Variants in SLC25A26 observed in about 807,000 individuals in gnomAD.
The protein encoded by SLC25A26 is solute carrier family 25 member 26, also known as mitochondrial S-adenosylmethionine carrier protein.
SLC25A26 carries 36 observed loss-of-function variants against 37.8 expected under a neutral mutation model. The observed-to-expected ratio is 0.95, with a 90% CI of 0.73 to 1.26. The LOEUF (loss-of-function observed/expected upper bound fraction) is 1.26. Ranked by LOEUF, SLC25A26 falls within the 50% of genes most tolerant of loss-of-function variation. SLC25A26 has a pLI of 0.00. For synonymous variants in SLC25A26, 129 were observed against 122.5 expected (o/e 1.05, Z -0.35); for missense variants, 390 against 331.1 (o/e 1.18, Z -1.38).
rs2075956863 is a variant in SLC25A26 at position 66,330,808 on chromosome 3, A to T, written c.454-15556A>T. On this transcript the variant is annotated intron_variant, in intron 5 of 9. Transcript: ENST00000354883. Reference sequence around the variant, plus strand: ...ACTTCCTCAAATATGAAACTTTCTTATAAGAAAATTCTTTTGATACTGGAA... The same window carrying T: ...ACTTCCTCAAATATGAAACTTTCTTTTAAGAAAATTCTTTTGATACTGGAA... 3.3e-5 allele frequency among the ~76,000 whole-genome samples: 5 copies of T among 152,158 alleles called. No individual in the cohort carries two copies. The South Asian group carries it at 6.2e-4, about 19-fold the overall frequency.
intron 6 of SLC25A26, among the ~76,000 whole-genome samples, chr3:66,353,896 C>T (rs2076516966): frequency 6.6e-6 from 1 of 152,188 alleles, no homozygotes; most frequent in Admixed American, 6.5e-5. Context: ...TCTGTTTATT[C>T]TTTATGGTTC....
At chr3:66,319,389 T>G (rs1294550091) in intron 5 of SLC25A26, among the ~76,000 whole-genome samples, 1 of 152,208 alleles carries the variant, frequency 6.6e-6, no homozygotes, top group Non-Finnish European at 1.5e-5. Context: ...TAGTATATAA[T>G]GCATCCTGCT....
Position 66,302,599 on chromosome 3 carries a change from C to G in SLC25A26, c.453+39220C>G, listed in dbSNP as rs2075108640. ...ATGTGTTCTGCACACTCATACTCCA[C>G]TAGGCCTTTGCTGATAGGTCACCAG... On this transcript the variant is annotated intron_variant, in intron 5 of 9. Transcript: ENST00000354883. Among the ~76,000 whole-genome samples the G allele has an allele frequency of 2.0e-5, 3 of 152,214 alleles. No homozygotes were observed. In the South Asian group the frequency reaches 6.2e-4, roughly 32 times the overall value.
At chr3:66,364,039 C>T (rs567921253) in intron 7 of SLC25A26, among the ~76,000 whole-genome samples, 3 of 152,234 alleles carry the variant, frequency 2.0e-5, no homozygotes, top group South Asian at 4.2e-4. Flanking sequence ...TGTAGACACT[C>T]TCCTGGGCCC....
At chr3:66,303,268 C>A (rs2075126318) in intron 5 of SLC25A26, among the ~76,000 whole-genome samples, 1 of 152,176 alleles carries the variant, frequency 6.6e-6, no homozygotes, top group Admixed American at 6.5e-5. Context: ...ATATACTTCT[C>A]TCCCCCTCTC....
intron 1 of SLC25A26, among the ~76,000 whole-genome samples, chr3:66,173,294 C>T (rs922323053): frequency 1.3e-5 from 2 of 152,118 alleles, no homozygotes; most frequent in Non-Finnish European, 2.9e-5. Context: ...TCCCCGGGAG[C>T]TAGAGTTTAG....
chr3:66,237,281 T>C (rs2072339105), intron 2 of SLC25A26, among the ~76,000 whole-genome samples: 1 of 152,282 alleles, frequency 6.6e-6, no homozygotes, highest in Admixed American at 6.5e-5. Context: ...ATTTTAATGC[T>C]GTGATTCTTC....
intron 5 of SLC25A26, among the ~76,000 whole-genome samples, chr3:66,297,995 A>G (rs992153275): frequency 2.6e-5 from 4 of 152,234 alleles, no homozygotes; most frequent in African/African-American, 9.6e-5. Context: ...TACTGAGTAG[A>G]TCATTGGTTC....
intron 1 of SLC25A26, among the ~76,000 whole-genome samples, chr3:66,189,789 G>A (rs2070901578): frequency 1.3e-5 from 2 of 152,148 alleles, no homozygotes; most frequent in Middle Eastern, 3.4e-3. Flanking sequence ...AGCCTCCTGA[G>A]TGGCTGGGAC....
At chr3:66,147,690 T>C (rs554500028) in intron 1 of SLC25A26, among the ~76,000 whole-genome samples, 1 of 152,336 alleles carries the variant, frequency 6.6e-6, no homozygotes, top group South Asian at 2.1e-4. Flanking sequence ...GTTGTACTAA[T>C]TTACATTCCC....
chr3:66,196,174 C>A (rs1294460809), intron 1 of SLC25A26, among the ~76,000 whole-genome samples: 1 of 151,974 alleles, frequency 6.6e-6, no homozygotes, highest in Non-Finnish European at 1.5e-5. Flanking sequence ...ATAAGGAAAA[C>A]CCAGGGGACA....
intron 5 of SLC25A26, among the ~76,000 whole-genome samples, chr3:66,307,945 G>A (rs1478777256): frequency 6.6e-6 from 1 of 152,142 alleles, no homozygotes; most frequent in African/African-American, 2.4e-5. Flanking sequence ...GATGCCTCCA[G>A]CTTTGTTCTT....
intron 1 of SLC25A26, among the ~76,000 whole-genome samples, chr3:66,136,204 G>A (rs949932069): frequency 2.0e-5 from 3 of 152,146 alleles, no homozygotes; most frequent in Admixed American, 6.5e-5. Flanking sequence ...ATCTATATAT[G>A]TATCTGCTGT....
intron 5 of SLC25A26, among the ~76,000 whole-genome samples, chr3:66,313,461 T>C (rs948866406): frequency 1.3e-5 from 2 of 152,192 alleles, no homozygotes; most frequent in African/African-American, 2.4e-5. Flanking sequence ...AGTTCTTTAT[T>C]CTATTCCATT....
In SLC25A26 at chr3:66,185,512, G is replaced by A. The variant is rs985455478; in HGVS notation, c.-353-35230G>A. On this transcript the variant is annotated intron_variant, in intron 1 of 10. Coordinates refer to the SLC25A26 transcript ENST00000676754. ...ATCTAGTAATTTTTAATTTTTTGAGGAACCAACCATATTGTTTTCCATAGC... is the reference window on the plus strand; with the variant it reads ...ATCTAGTAATTTTTAATTTTTTGAGAAACCAACCATATTGTTTTCCATAGC... 4.4e-4 allele frequency among the ~76,000 whole-genome samples: 67 copies of A among 152,126 alleles called. 1 individual carries two copies. The highest frequency in any genetic ancestry group is 1.6e-3 in the African/African-American group (66 of 41,502).
Position 66,194,414 on chromosome 3 carries a change from G to T in SLC25A26, c.-353-26328G>T, listed in dbSNP as rs900529019. On this transcript the variant is annotated intron_variant, in intron 1 of 10. Coordinates refer to the SLC25A26 transcript ENST00000676754. ...GTGCTCATTTTACTAGAACTGCACT[G>T]AAGTACTTTTACACAGAAACTTCAC... Among the ~76,000 whole-genome samples, 354 of 152,274 alleles carry T rather than the reference G, an allele frequency of 2.3e-3. 4 individuals are homozygous for T. The highest frequency in any genetic ancestry group is 8.1e-3 in the African/African-American group (337 of 41,548).
chr3:66,169,284 G>T (rs921649326), intron 1 of SLC25A26, among the ~76,000 whole-genome samples: 3 of 152,146 alleles, frequency 2.0e-5, no homozygotes, highest in Admixed American at 2.0e-4. Context: ...ACTTAGTGCA[G>T]TATTAGATTT....
At chr3:66,161,568 T>A (rs2070360684) in intron 1 of SLC25A26, among the ~76,000 whole-genome samples, 2 of 152,190 alleles carry the variant, frequency 1.3e-5, no homozygotes, top group African/African-American at 2.4e-5. Context: ...TCATGAGGTG[T>A]AGATACTTCT....
chr3:66,278,384 A>G (rs2074227233), intron 5 of SLC25A26, among the ~76,000 whole-genome samples: 1 of 152,166 alleles, frequency 6.6e-6, no homozygotes, highest in South Asian at 2.1e-4. Context: ...ATGAAAAACA[A>G]CAGTCTCCTG....
Sources: allele counts gnomAD v4.1 joint callset (sites outside exome capture counted in the v4.1 genomes callset), GRCh38; gene constraint gnomAD v4.1.1; transcripts MANE v1.5; gene names NCBI Gene and HGNC (gene_info 2026-07-23, HGNC 2026-07-21).